The following TAPT1 variants were observed in gnomAD, a reference collection of about 807,000 sequenced individuals.
TAPT1 encodes transmembrane anterior posterior transformation protein 1 homolog.
Under a neutral mutation model 65.6 loss-of-function variants are expected in TAPT1, and 28 were observed. The ratio of observed to expected loss-of-function variants is 0.43; its 90% CI spans 0.32 to 0.59. TAPT1 has a LOEUF of 0.59. Ranked by LOEUF, TAPT1 falls within the 20% of genes least tolerant of loss-of-function variation. The probability of loss-of-function intolerance (pLI) is 0.09; values close to 1 mark genes in which losing one functional copy is unlikely to be tolerated. For synonymous variants in TAPT1, 278 were observed against 245.2 expected (o/e 1.13, Z -1.25); for missense variants, 563 against 679.9 (o/e 0.83, Z 1.91).
upstream of TAPT1, chr4:16,226,618 G>A (rs1751589572): frequency 6.7e-6 from 2 of 298,898 alleles, no homozygotes; most frequent in South Asian, 1.2e-4. Flanking sequence ...CGTCAGCGAC[G>A]CGTGTGAGGC....
intron 1 of TAPT1, among the ~76,000 whole-genome samples, chr4:16,220,030 C>T (rs1310123672): frequency 6.6e-6 from 1 of 152,236 alleles, no homozygotes; most frequent in Non-Finnish European, 1.5e-5. Context: ...ACCATTCCCA[C>T]CTTTTCCTGG....
intron 5 of TAPT1, among the ~76,000 whole-genome samples, chr4:16,187,812 A>G: frequency 6.6e-6 from 1 of 152,298 alleles, no homozygotes. Context: ...CCAATTTCAC[A>G]TTACACTTTT....
intron 12 of TAPT1, among the ~76,000 whole-genome samples, chr4:16,169,496 A>G (rs1747854260): frequency 6.6e-6 from 1 of 152,218 alleles, no homozygotes; most frequent in African/African-American, 2.4e-5. Flanking sequence ...ATGTTTTTTA[A>G]TGTCAAAAAA....
chr4:16,213,758 A>T lies in TAPT1; in HGVS notation c.330+10T>A. 6.5e-7 allele frequency: 1 copy of T among 1,546,882 alleles called. No homozygotes were observed. The highest frequency in any genetic ancestry group is 8.6e-7 in the Non-Finnish European group (1 of 1,156,400). ...CAAAATGATGTCTGGTAATGAAGAA[A>T]AAATAGTACCTTTTCCAATTCTCTT... On this transcript the variant is annotated intron_variant, in intron 2 of 13. Coordinates refer to ENST00000405303, the MANE Select transcript of TAPT1 (RefSeq NM_153365.3).
intron 9 of TAPT1, among the ~76,000 whole-genome samples, chr4:16,175,597 A>G (rs1271555196): frequency 6.6e-6 from 1 of 152,218 alleles, no homozygotes; most frequent in Non-Finnish European, 1.5e-5. Flanking sequence ...CAATAAATCT[A>G]TAGCCACATA....
intron 3 of TAPT1, among the ~76,000 whole-genome samples, chr4:16,195,035 G>A (rs541822224): frequency 9.4e-4 from 143 of 152,140 alleles, no homozygotes; most frequent in Non-Finnish European, 1.7e-3. Context: ...CCCGATAAGG[G>A]TCTTGTTTTC....
chr4:16,167,840 T>TA (rs1747740664), intron 12 of TAPT1, among the ~76,000 whole-genome samples: 2 of 152,204 alleles, frequency 1.3e-5, no homozygotes. Context: ...CATCACTATA[T>TA]GGGTTATCAA....
intron 12 of TAPT1, among the ~76,000 whole-genome samples, chr4:16,170,411 A>G (rs957481352): frequency 6.6e-6 from 1 of 152,268 alleles, no homozygotes; most frequent in Non-Finnish European, 1.5e-5. Context: ...ATCTTAAGCA[A>G]AAAGGGCTTT....
chr4:16,179,915 C>T (rs1748612384), intron 7 of TAPT1, among the ~76,000 whole-genome samples: 1 of 151,876 alleles, frequency 6.6e-6, no homozygotes, highest in African/African-American at 2.4e-5. Context: ...CTATAAACTT[C>T]AAAAAGTATT....
rs980347692 is a variant in TAPT1 at position 16,179,465 on chromosome 4, A to G, written c.997+112T>C. 13 of 628,028 alleles carry G rather than the reference A, an allele frequency of 2.1e-5. No individual in the cohort carries two copies. In the South Asian group the frequency reaches 2.8e-4, roughly 14 times the overall value. The allele number at this position is 628,028 out of a possible 1,614,324, so 38.9% of individuals were successfully genotyped here. On this transcript the variant is annotated intron_variant, in intron 8 of 13. Transcript: ENST00000405303. Reference sequence around the variant, plus strand: ...TGTTTCACCAATACCCAAACAGTAAAACAGCCAAAGTCTTTTGGAGTTTTC... The same window carrying G: ...TGTTTCACCAATACCCAAACAGTAAGACAGCCAAAGTCTTTTGGAGTTTTC...
intron 13 of TAPT1, among the ~76,000 whole-genome samples, chr4:16,165,344 G>C (rs1474257606): frequency 6.6e-6 from 1 of 152,116 alleles, no homozygotes; most frequent in African/African-American, 2.4e-5. Flanking sequence ...GCCGAGGCAG[G>C]CGGATCACGA....
At position 16,195,484 on chromosome 4, in the gene TAPT1, T is replaced by A. The variant is rs186925259; in HGVS notation, c.450-3961A>T. ...AATTTGCAGGTTTGGGTGTATGTCA[T>A]CACACAAGTAATATTACATCAGGTA... On this transcript the variant is annotated intron_variant, in intron 3 of 13. Coordinates refer to ENST00000405303, the MANE Select transcript of TAPT1 (RefSeq NM_153365.3). 2.6e-5 allele frequency among the ~76,000 whole-genome samples: 4 copies of A among 152,322 alleles called. No individual in the cohort carries two copies. In the East Asian group the frequency reaches 5.8e-4, roughly 22 times the overall value.
intron 7 of TAPT1, among the ~76,000 whole-genome samples, chr4:16,180,432 T>C (rs889038105): frequency 1.3e-5 from 2 of 152,176 alleles, no homozygotes; most frequent in Non-Finnish European, 2.9e-5. Flanking sequence ...GATGCAATAG[T>C]GGGGGCTGTG....
At chr4:16,173,444 A>C (rs970171975) in intron 11 of TAPT1, among the ~76,000 whole-genome samples, 3 of 151,850 alleles carry the variant, frequency 2.0e-5, no homozygotes, top group African/African-American at 7.3e-5. Context: ...TTTGAGATGG[A>C]GTCTTGCTCT....
intron 3 of TAPT1, among the ~76,000 whole-genome samples, chr4:16,198,615 ACTT>A (rs769903102): frequency 1.2e-4 from 19 of 152,288 alleles, no homozygotes; most frequent in South Asian, 2.1e-4. Flanking sequence ...AGTCTATTTC[ACTT>A]CTTCTTATTT....
intron 1 of TAPT1, among the ~76,000 whole-genome samples, chr4:16,221,622 T>C (rs1490709180): frequency 6.6e-6 from 1 of 152,236 alleles, no homozygotes; most frequent in Non-Finnish European, 1.5e-5. Flanking sequence ...TTAAAAGTAA[T>C]GAGTAATCAT....
intron 6 of TAPT1, 43 bp from the exon 7 acceptor site, chr4:16,186,647 T>A: frequency 7.0e-7 from 1 of 1,434,168 alleles, no homozygotes; most frequent in Middle Eastern, 1.9e-4. Context: ...ATTATAACAG[T>A]TTAAAAACTG....
intron 9 of TAPT1, 68 bp downstream of exon 9, chr4:16,176,051 C>T: frequency 1.3e-6 from 1 of 751,600 alleles, no homozygotes; most frequent in Non-Finnish European, 2.1e-6. Context: ...TCCTATTATT[C>T]TACAACTTTT....
At chr4:16,200,568 C>A (rs1749970050) in intron 3 of TAPT1, among the ~76,000 whole-genome samples, 2 of 152,208 alleles carry the variant, frequency 1.3e-5, no homozygotes, top group African/African-American at 2.4e-5. Context: ...TCTAGCGATC[C>A]TCCTACCTTG....
Sources: gnomAD v4.1 joint callset for allele counts (sites outside exome capture counted in the v4.1 genomes callset) on GRCh38, gnomAD v4.1.1 for gene constraint, MANE v1.5 for transcripts, NCBI Gene and HGNC (gene_info 2026-07-23, HGNC 2026-07-21) for gene names.